SLCO3A1: variants seen among roughly 807,000 people sequenced by gnomAD.
SLCO3A1 encodes the protein PGE1 transporter.
In SLCO3A1, 27 loss-of-function variants were observed where a neutral mutation model predicts 63.1. That is an observed-to-expected ratio of 0.43 (90% CI 0.32 to 0.59). The LOEUF (loss-of-function observed/expected upper bound fraction) is 0.59. Ranked by LOEUF, SLCO3A1 falls within the 20% of genes least tolerant of loss-of-function variation. The probability of loss-of-function intolerance (pLI) is 0.09; values close to 1 mark genes in which losing one functional copy is unlikely to be tolerated. For missense variants in SLCO3A1, 773 were observed against 945.8 expected (o/e 0.82, Z 2.40); for synonymous variants, 473 against 409.9 (o/e 1.15, Z -1.86).
intron 1 of SLCO3A1, among the ~76,000 whole-genome samples, chr15:91,907,423 C>A (rs1403164368): frequency 6.6e-6 from 1 of 151,938 alleles, no homozygotes; most frequent in Non-Finnish European, 1.5e-5. Context: ...CCAGGCTGGT[C>A]TTGAACTGCT....
At chr15:92,037,411 C>T (rs1035987869) in intron 2 of SLCO3A1, among the ~76,000 whole-genome samples, 1 of 152,156 alleles carries the variant, frequency 6.6e-6, no homozygotes. Flanking sequence ...GGTTTCCAAC[C>T]CAGATCCCCG....
chr15:92,049,196 G>A (rs2046927392), intron 2 of SLCO3A1, among the ~76,000 whole-genome samples: 1 of 152,152 alleles, frequency 6.6e-6, no homozygotes, highest in Admixed American at 6.5e-5. Flanking sequence ...GCATCTTTCT[G>A]CACAGTGGCT....
chr15:91,971,798 C>T (rs974182287), intron 2 of SLCO3A1, among the ~76,000 whole-genome samples: 8 of 152,144 alleles, frequency 5.3e-5, no homozygotes, highest in Non-Finnish European at 1.2e-4. Flanking sequence ...CCCTGTATTT[C>T]CCCTAGCAGC....
At chr15:91,908,089 T>C (rs1266348621) in intron 1 of SLCO3A1, among the ~76,000 whole-genome samples, 1 of 152,048 alleles carries the variant, frequency 6.6e-6, no homozygotes, top group Non-Finnish European at 1.5e-5. Flanking sequence ...TAAGGGGGGA[T>C]TGTTATCTCC....
chr15:92,066,527 T>A (rs1192346723), intron 2 of SLCO3A1, among the ~76,000 whole-genome samples: 1 of 152,252 alleles, frequency 6.6e-6, no homozygotes, highest in East Asian at 1.9e-4. Context: ...ATCTGGTTTA[T>A]TGCAAGAAAT....
In SLCO3A1 at chr15:92,165,745, A is replaced by G. The variant is rs2048488934; in HGVS notation, c.*2610A>G. 1.0e-6 allele frequency: 1 copy of G among 984,600 alleles called. No homozygotes were observed. Among genetic ancestry groups the G allele is most frequent in the Admixed American group, 6.2e-5 (1 of 16,242 alleles). 61.0% of individuals were successfully genotyped at this position (984,600 alleles called of 1,614,324 possible). On this transcript the variant is annotated 3_prime_UTR_variant, in exon 10 of 10. Transcript: ENST00000318445. ...GAACAGAAAACTCAGTCTAGTTTTAATTTGCCTTTTGTGCTCTAAAGAAGC... is the reference window on the plus strand; with the variant it reads ...GAACAGAAAACTCAGTCTAGTTTTAGTTTGCCTTTTGTGCTCTAAAGAAGC...
At chr15:91,876,031 G>A (rs181654408) in intron 1 of SLCO3A1, among the ~76,000 whole-genome samples, 10 of 152,202 alleles carry the variant, frequency 6.6e-5, no homozygotes, top group East Asian at 1.9e-4. Flanking sequence ...TCAGCTGAGC[G>A]TGGTGGCTCA....
At chr15:91,868,580 G>T (rs1157863750) in intron 1 of SLCO3A1, among the ~76,000 whole-genome samples, 1 of 152,152 alleles carries the variant, frequency 6.6e-6, no homozygotes, top group Non-Finnish European at 1.5e-5. Context: ...CCACACGGTG[G>T]TAAAGGATGT....
intron 6 of SLCO3A1, among the ~76,000 whole-genome samples, chr15:92,128,140 C>T (rs1205212379): frequency 6.6e-6 from 1 of 152,176 alleles, no homozygotes; most frequent in East Asian, 1.9e-4. Context: ...GGGCACAACC[C>T]ACGTAGCTCT....
intron 2 of SLCO3A1, among the ~76,000 whole-genome samples, chr15:91,966,709 C>T (rs1900673863): frequency 6.6e-6 from 1 of 152,160 alleles, no homozygotes. Context: ...ATTCTCAGAT[C>T]CCAGTTAACC....
At chr15:92,084,913 G>A (rs936357582) in intron 2 of SLCO3A1, among the ~76,000 whole-genome samples, 4 of 152,194 alleles carry the variant, frequency 2.6e-5, no homozygotes, top group Non-Finnish European at 2.9e-5. Context: ...TGCAGAAGCC[G>A]CAGGGCCAGG....
At chr15:92,114,478 C>G (rs934723350) in intron 4 of SLCO3A1, among the ~76,000 whole-genome samples, 4 of 152,164 alleles carry the variant, frequency 2.6e-5, no homozygotes, top group African/African-American at 9.7e-5. Context: ...GCAAGGGCAT[C>G]CAGCCTGCAC....
rs1254068148 is a variant in SLCO3A1 at position 92,143,403 on chromosome 15, TATATA to T, written c.1513-3575_1513-3571del. The stretch of plus-strand genomic sequence containing the variant: ...TATATAATATATATATTATATAATA[TATATA>T]ATATATATATTATATATATATAATA... On this transcript the variant is annotated intron_variant, in intron 7 of 9. Coordinates refer to ENST00000318445, the MANE Select transcript of SLCO3A1 (RefSeq NM_013272.4). Among the ~76,000 whole-genome samples the T allele has an allele frequency of 0.011, 12 of 1,124 alleles. 3 individuals are homozygous for T. The East Asian group carries it at 0.36, about 34-fold the overall frequency. 0.7% of individuals were successfully genotyped at this position (1,124 alleles called of 152,430 possible). A position where few individuals can be genotyped will look rare whatever the true frequency, so the allele number is the denominator to read the frequency against.
downstream of SLCO3A1, among the ~76,000 whole-genome samples, chr15:92,167,694 G>A (rs2048500774): frequency 6.6e-6 from 1 of 152,136 alleles, no homozygotes; most frequent in Non-Finnish European, 1.5e-5. Flanking sequence ...CCTCTTATGG[G>A]GCCTGTTGCC....
At position 91,916,277 on chromosome 15, in the gene SLCO3A1, G is replaced by A; in HGVS notation, c.465G>A (p.Ser155=). 6.5e-7 allele frequency: 1 copy of A among 1,546,724 alleles called. No homozygotes were observed. The highest frequency in any genetic ancestry group is 8.7e-7 in the Non-Finnish European group (1 of 1,149,802). Residue 155 remains serine, a synonymous_variant, in exon 2 of 10, where the codon TCG becomes TCA. Coordinates refer to ENST00000318445, the MANE Select transcript of SLCO3A1 (RefSeq NM_013272.4). This position sits in a 1 kb window ranked among gnomAD's most constrained non-coding sequence, Gnocchi z 6.2. ...EGRDVCAANG[S]GGDEGPDPDL... ...GCGACGTCTGCGCAGCCAACGGCTC[G>A]GGCGGCGACGAGGGGCCCGACCCCG...
chr15:91,885,741 G>T lies in SLCO3A1; in HGVS notation c.181-30252G>T, dbSNP rs191775073. Among the ~76,000 whole-genome samples the T allele has an allele frequency of 6.6e-6, 1 of 152,162 alleles. No individual in the cohort carries two copies. Among genetic ancestry groups the T allele is most frequent in the Admixed American group, 6.5e-5 (1 of 15,276 alleles). On this transcript the variant is annotated intron_variant, in intron 1 of 9. Coordinates refer to ENST00000318445, the MANE Select transcript of SLCO3A1 (RefSeq NM_013272.4). This position sits in a 1 kb window ranked among gnomAD's most constrained non-coding sequence, Gnocchi z 4.7. ...GCGGTCTGACAATTCAGATCCCTTC[G>T]CCTTCCCCTCCCCTATTTTTATGGC...
intron 1 of SLCO3A1, among the ~76,000 whole-genome samples, chr15:91,909,796 C>G (rs1012349615): frequency 6.6e-6 from 1 of 152,222 alleles, no homozygotes; most frequent in African/African-American, 2.4e-5. Context: ...CTTGTTTGTT[C>G]CATGCCTCCA....
At chr15:92,017,880 C>A (rs1422151213) in intron 2 of SLCO3A1, among the ~76,000 whole-genome samples, 1 of 152,004 alleles carries the variant, frequency 6.6e-6, no homozygotes, top group Non-Finnish European at 1.5e-5. Flanking sequence ...GAGATAGGGG[C>A]CCATCACACT....
chr15:92,165,476 G>C lies in SLCO3A1; in HGVS notation c.*2341G>C, dbSNP rs1010197076. ...ACACACACTGAGGCCCTTTGACCTAGTGTTTTATGGAACTATTTGCTTTGA... is the reference window on the plus strand; with the variant it reads ...ACACACACTGAGGCCCTTTGACCTACTGTTTTATGGAACTATTTGCTTTGA... On this transcript the variant is annotated 3_prime_UTR_variant, in exon 10 of 10. Transcript: ENST00000318445. 6.1e-6 allele frequency: 6 copies of C among 982,900 alleles called. No individual in the cohort carries two copies. Among genetic ancestry groups the C allele is most frequent in the African/African-American group, 1.8e-5 (1 of 56,988 alleles). 60.9% of individuals were successfully genotyped at this position (982,900 alleles called of 1,614,324 possible). A position where few individuals can be genotyped will look rare whatever the true frequency, so the allele number is the denominator to read the frequency against.
Sources: gnomAD v4.1 joint callset for allele counts (sites outside exome capture counted in the v4.1 genomes callset) on GRCh38, gnomAD v4.1.1 for gene constraint, Gnocchi (gnomAD v3.1) non-coding constraint, MANE v1.5 for transcripts, NCBI Gene and HGNC (gene_info 2026-07-23, HGNC 2026-07-21) for gene names.